Variants in RSPH14 observed in about 807,000 individuals in gnomAD.
The protein encoded by RSPH14 is radial spoke head 14 homolog.
In RSPH14, 20 loss-of-function variants were observed where a neutral mutation model predicts 26.7. That is an observed-to-expected ratio of 0.75 (90% CI 0.53 to 1.09). RSPH14 has a LOEUF of 1.09. RSPH14 is among the 50% of genes least tolerant of loss of function. The pLI, the probability that RSPH14 is intolerant of heterozygous loss-of-function variation, is 0.00. For missense variants in RSPH14, 449 were observed against 457.2 expected (o/e 0.98, Z 0.16); for synonymous variants, 177 against 189.3 (o/e 0.93, Z 0.53).
At chr22:23,086,153 A>C (rs2068815730) in intron 4 of RSPH14, among the ~76,000 whole-genome samples, 1 of 152,250 alleles carries the variant, frequency 6.6e-6, no homozygotes, top group Non-Finnish European at 1.5e-5. Context: ...TAAGTAAAAA[A>C]GGCAGTCAAT....
chr22:23,089,116 G>A (rs2068891958), intron 4 of RSPH14, among the ~76,000 whole-genome samples: 1 of 152,184 alleles, frequency 6.6e-6, no homozygotes, highest in Admixed American at 6.5e-5. Flanking sequence ...GGTAGCTAGG[G>A]ACCTGGAGAG....
At chr22:23,129,949 GGAGAAAGAAAGAGA>G (rs2070271223) in intron 4 of RSPH14, among the ~76,000 whole-genome samples, 1 of 140,512 alleles carries the variant, frequency 7.1e-6, no homozygotes, top group Non-Finnish European at 1.5e-5. Flanking sequence ...AAGGAAAGAA[GGAGAAAGAAAGAGA>G]GAGGAAGAAA....
In RSPH14 at chr22:23,092,618, G is replaced by A. The variant is rs115623297; in HGVS notation, c.422-28485C>T. Among the ~76,000 whole-genome samples, 498 of 152,248 alleles carry A rather than the reference G, an allele frequency of 3.3e-3. 2 individuals carry two copies. The highest frequency in any genetic ancestry group is 0.011 in the African/African-American group (469 of 41,528). ...CCTTGCACATTGCCCTGTCGTTGCC[G>A]GCGCACACTGATCGAAGACTGCATG... On this transcript the variant is annotated intron_variant, in intron 4 of 6. Transcript: ENST00000216036.
At chr22:23,132,546 C>G (rs977759360) in intron 4 of RSPH14, among the ~76,000 whole-genome samples, 1 of 137,612 alleles carries the variant, frequency 7.3e-6, no homozygotes, top group African/African-American at 2.7e-5. Context: ...ACAGGACATC[C>G]CCTTTTAATC....
At chr22:23,085,248 T>A (rs1350833251) in intron 4 of RSPH14, among the ~76,000 whole-genome samples, 3 of 152,198 alleles carry the variant, frequency 2.0e-5, no homozygotes, top group Non-Finnish European at 2.9e-5. Flanking sequence ...CTCTTCTCCA[T>A]GGTGCTGAGC....
At chr22:23,175,314 T>C in the RSPH14 span, among the ~76,000 whole-genome samples, 2 of 149,250 alleles carry the variant, frequency 1.3e-5, no homozygotes, top group Non-Finnish European at 3.0e-5. Flanking sequence ...CTATTTTTTT[T>C]TAAATTACAA....
At chr22:23,155,746 C>T in the RSPH14 span, among the ~76,000 whole-genome samples, 16 of 152,350 alleles carry the variant, frequency 1.1e-4, no homozygotes, top group African/African-American at 3.8e-4. Context: ...CCACACACCC[C>T]CATCCACTAG....
chr22:23,093,710 G>A (rs1299888931), intron 4 of RSPH14, among the ~76,000 whole-genome samples: 1 of 152,214 alleles, frequency 6.6e-6, no homozygotes, highest in African/African-American at 2.4e-5. Flanking sequence ...CACACAACCT[G>A]GGAGAGGCAA....
rs559951017 is a variant in RSPH14 at position 23,105,755 on chromosome 22, G to A, written c.421+28271C>T. Among the ~76,000 whole-genome samples the A allele has an allele frequency of 6.6e-5, 10 of 152,330 alleles. No individual in the cohort carries two copies. In the South Asian group the frequency reaches 1.4e-3, roughly 22 times the overall value. The stretch of plus-strand genomic sequence containing the variant: ...TGCTGTTTGTTAATTTCCCTTCAGC[G>A]ACTGACACTGGCTGGTGGGGAGCAG... On this transcript the variant is annotated intron_variant, in intron 4 of 6. Transcript: ENST00000216036.
chr22:23,147,452 C>T (rs1357669483), upstream of RSPH14, among the ~76,000 whole-genome samples: 1 of 152,042 alleles, frequency 6.6e-6, no homozygotes, highest in Non-Finnish European at 1.5e-5. Context: ...GCCTCAGCCT[C>T]CCGGAGTAGC....
intron 4 of RSPH14, among the ~76,000 whole-genome samples, chr22:23,097,769 T>C (rs2069170087): frequency 6.6e-6 from 1 of 152,238 alleles, no homozygotes; most frequent in South Asian, 2.1e-4. Context: ...GGCAGAGCGC[T>C]TGGGGCTGAG....
chr22:23,095,069 T>C (rs1240645392), intron 4 of RSPH14, among the ~76,000 whole-genome samples: 3 of 152,218 alleles, frequency 2.0e-5, no homozygotes, highest in Non-Finnish European at 4.4e-5. Flanking sequence ...ACATATGTGT[T>C]ACACCATGGT....
chr22:23,153,204 T>C, the RSPH14 span: 387 of 1,153,962 alleles, frequency 3.4e-4, 1 homozygote, highest in East Asian at 2.2e-3. Flanking sequence ...TTTGGGGAGC[T>C]CCTTCACTGT....
At chr22:23,110,849 C>T (rs1322118886) in intron 4 of RSPH14, among the ~76,000 whole-genome samples, 2 of 152,198 alleles carry the variant, frequency 1.3e-5, no homozygotes, top group Non-Finnish European at 2.9e-5. Flanking sequence ...CCCAAGGGCC[C>T]ACCACACTCT....
the RSPH14 span, among the ~76,000 whole-genome samples, chr22:23,151,054 A>C: frequency 6.6e-6 from 1 of 152,250 alleles, no homozygotes; most frequent in Non-Finnish European, 1.5e-5. Flanking sequence ...CCCTCTTCCT[A>C]AGGAGCTCAT....
intron 4 of RSPH14, chr22:23,070,353 T>TGGCGGCGGGCGGCG (rs587597964): frequency 0.11 from 15,934 of 142,244 alleles, 1,078 homozygotes; most frequent in South Asian, 0.17. Flanking sequence ...ACCCGCGGAC[T>TGGCGGCGGGCGGCG]GGCGGCGGGC....
chr22:23,123,353 C>T (rs1021647434), intron 4 of RSPH14: 2 of 1,613,948 alleles, frequency 1.2e-6, no homozygotes, highest in Non-Finnish European at 8.5e-7. Flanking sequence ...CCACCGACAC[C>T]AGTAACATCC....
the RSPH14 span, among the ~76,000 whole-genome samples, chr22:23,167,096 C>A: frequency 6.6e-6 from 1 of 152,080 alleles, no homozygotes; most frequent in African/African-American, 2.4e-5. Context: ...CCTCTGAACT[C>A]CTGGTCCCTC....
chr22:23,128,003 G>T (rs1175407652), intron 4 of RSPH14, among the ~76,000 whole-genome samples: 1 of 152,122 alleles, frequency 6.6e-6, no homozygotes, highest in Non-Finnish European at 1.5e-5. Flanking sequence ...TGGAGTCAGG[G>T]TCAGAACAGG....
Sources: allele counts gnomAD v4.1 joint callset (sites outside exome capture counted in the v4.1 genomes callset), GRCh38; gene constraint gnomAD v4.1.1; transcripts MANE v1.5; gene names NCBI Gene and HGNC (gene_info 2026-07-23, HGNC 2026-07-21).